COL13A1: variants seen among roughly 807,000 people sequenced by gnomAD.
COL13A1 encodes collagen alpha-1(XIII) chain.
Under a neutral mutation model 130.9 loss-of-function variants are expected in COL13A1, and 89 were observed. The ratio of observed to expected loss-of-function variants is 0.68; its 90% CI spans 0.57 to 0.81. COL13A1 has a LOEUF of 0.81. Among genes scored for constraint, COL13A1 ranks in the 30% least tolerant of loss-of-function variants. The pLI is 0.00. For missense variants in COL13A1, 879 were observed against 934.6 expected (o/e 0.94, Z 0.78); for synonymous variants, 402 against 341.6 (o/e 1.18, Z -1.95).
chr10:69,890,422 G>A (rs950155932), intron 10 of COL13A1, among the ~76,000 whole-genome samples: 6 of 152,248 alleles, frequency 3.9e-5, no homozygotes, highest in Non-Finnish European at 5.9e-5. Flanking sequence ...GATCCAGGTC[G>A]CACCTACTGT....
Position 69,802,629 on chromosome 10 carries a change from A to G in COL13A1, c.206A>G (p.Gln69Arg), listed in dbSNP as rs762802756. 1.2e-6 allele frequency: 2 copies of G among 1,613,228 alleles called. No homozygotes were observed. Among genetic ancestry groups the G allele is most frequent in the South Asian group, 2.2e-5 (2 of 91,068 alleles). The change falls in exon 1 of 41, where the codon CAG becomes CGG. Residue 69 changes from glutamine to arginine, a missense_variant. By Grantham distance (43) the Gln-to-Arg change is conservative (BLOSUM62 1). Around this residue, in one of 3 missense-constraint regions of COL13A1, gnomAD observed 715 missense variants for 721.0 expected, o/e 0.99. Coordinates refer to ENST00000645393, the MANE Select transcript of COL13A1 (RefSeq NM_001368882.1). Reference sequence around the variant, plus strand: ...GCCCACTTTCGGACGGCCGAGCTGCAGGCCCGGGTGCTGCGCCTGGAAGCG... The same window carrying G: ...GCCCACTTTCGGACGGCCGAGCTGCGGGCCCGGGTGCTGCGCCTGGAAGCG... ...LLAHFRTAEL[Q>R]ARVLRLEAER...
chr10:69,950,046 T>G (rs1430310412), intron 38 of COL13A1, among the ~76,000 whole-genome samples: 1 of 122,104 alleles, frequency 8.2e-6, no homozygotes, highest in Non-Finnish European at 1.8e-5. Context: ...TCTCCTCACT[T>G]CTTCCTCCTC....
At chr10:69,909,838 A>G (rs905747924) in intron 17 of COL13A1, among the ~76,000 whole-genome samples, 39 of 152,222 alleles carry the variant, frequency 2.6e-4, no homozygotes, top group Non-Finnish European at 1.2e-4. Context: ...TCTAGTTTAG[A>G]AAGTTCATTT....
intron 31 of COL13A1, among the ~76,000 whole-genome samples, chr10:69,934,147 AT>A (rs1473549325): frequency 6.6e-5 from 10 of 152,292 alleles, no homozygotes; most frequent in Non-Finnish European, 1.3e-4. Context: ...TTTAAAGAAA[AT>A]TTTAAAAATT....
At chr10:69,922,263 A>G (rs2064786785) in intron 22 of COL13A1, among the ~76,000 whole-genome samples, 1 of 152,116 alleles carries the variant, frequency 6.6e-6, no homozygotes, top group Admixed American at 6.5e-5. Flanking sequence ...TGAGGCCAAA[A>G]TAAGGGGAGA....
At position 69,930,151 on chromosome 10, in the gene COL13A1, G is replaced by A. The variant is rs143401597; in HGVS notation, c.1530+64G>A. 8.9e-4 allele frequency: 1,370 copies of A among 1,539,900 alleles called. 11 individuals carry two copies. In the African/African-American group the frequency reaches 0.016, roughly 18 times the overall value. ...GTCTTGGCCCTGGGGGCAGGAGGTC[G>A]GGCAGGAAGGCTCTAGAATTGGCCC... On this transcript the variant is annotated intron_variant, in intron 29 of 40. Coordinates refer to ENST00000645393, the MANE Select transcript of COL13A1 (RefSeq NM_001368882.1).
rs180798684 is a variant in COL13A1 at position 69,897,549 on chromosome 10, G to A, written c.685-1148G>A. 2.9e-4 allele frequency: 462 copies of A among 1,613,702 alleles called. No homozygotes were observed. In the African/African-American group the frequency reaches 3.1e-3, roughly 11 times the overall value. The stretch of plus-strand genomic sequence containing the variant: ...CCCTGAAGGTTTGTAGGTTCTGGAA[G>A]GTCTCCGGGCCCCTCTCCACTGAGA... On this transcript the variant is annotated intron_variant, in intron 13 of 40. Coordinates refer to ENST00000645393, the MANE Select transcript of COL13A1 (RefSeq NM_001368882.1).
intron 17 of COL13A1, among the ~76,000 whole-genome samples, chr10:69,906,726 T>G (rs1375027888): frequency 1.3e-5 from 2 of 151,926 alleles, no homozygotes; most frequent in Admixed American, 6.6e-5. Context: ...TTGTTTGTTT[T>G]TTGTTTTTGT....
chr10:69,847,272 TG>T (rs1351580383), intron 2 of COL13A1, among the ~76,000 whole-genome samples: 8 of 152,340 alleles, frequency 5.3e-5, no homozygotes, highest in Admixed American at 4.6e-4. Flanking sequence ...TAATCCCATA[TG>T]AGTCAGGGCT....
At chr10:69,866,912 G>A (rs972771837) in intron 2 of COL13A1, among the ~76,000 whole-genome samples, 5 of 152,180 alleles carry the variant, frequency 3.3e-5, no homozygotes, top group Admixed American at 2.0e-4. Context: ...ACTAGGGGCC[G>A]GGCAGACACA....
intron 4 of COL13A1, among the ~76,000 whole-genome samples, chr10:69,874,653 G>A (rs2059406073): frequency 6.6e-6 from 1 of 152,212 alleles, no homozygotes; most frequent in Admixed American, 6.5e-5. Flanking sequence ...GGGCTGGGGA[G>A]GAGCACTGCT....
intron 8 of COL13A1, 85 bp from the exon 9 acceptor site, chr10:69,888,219 C>A: frequency 6.6e-7 from 1 of 1,506,080 alleles, no homozygotes; most frequent in Non-Finnish European, 9.1e-7. Context: ...AATCCAGAAT[C>A]TGTGCTTTTC....
intron 2 of COL13A1, among the ~76,000 whole-genome samples, chr10:69,833,563 G>A (rs1256146938): frequency 6.6e-6 from 1 of 152,148 alleles, no homozygotes; most frequent in African/African-American, 2.4e-5. Flanking sequence ...ATCTAGTTTG[G>A]GAAATGCAAG....
rs533339204 is a variant in COL13A1 at position 69,868,807 on chromosome 10, G to A, written c.372+1002G>A. Among the ~76,000 whole-genome samples the A allele has an allele frequency of 1.7e-3, 252 of 152,324 alleles. 2 individuals carry two copies. The highest frequency in any genetic ancestry group is 5.9e-3 in the African/African-American group (246 of 41,578). On this transcript the variant is annotated intron_variant, in intron 3 of 40. Transcript: ENST00000645393. ...ATGGCCCCTGACACATCACAGTGAGGCAGGACCTGTCATGTCATTACTTGA... is the reference window on the plus strand; with the variant it reads ...ATGGCCCCTGACACATCACAGTGAGACAGGACCTGTCATGTCATTACTTGA...
intron 6 of COL13A1, 84 bp downstream of exon 6, chr10:69,878,149 C>T (rs10823446): frequency 0.024 from 16,804 of 689,316 alleles, 280 homozygotes; most frequent in Non-Finnish European, 0.033. Context: ...AGCCCTCCCC[C>T]CCATGAAAGC....
At chr10:69,885,916 A>C (rs965474887) in intron 7 of COL13A1, among the ~76,000 whole-genome samples, 1 of 152,156 alleles carries the variant, frequency 6.6e-6, no homozygotes, top group African/African-American at 2.4e-5. Flanking sequence ...AGCCTGTGGC[A>C]GACTTCAACT....
chr10:69,823,783 C>T (rs937230267), intron 2 of COL13A1, among the ~76,000 whole-genome samples: 5 of 151,994 alleles, frequency 3.3e-5, no homozygotes, highest in African/African-American at 1.2e-4. Context: ...GTCCAGAAGC[C>T]CTGGGAAGCT....
At chr10:69,813,921 T>C (rs1235406344) in intron 1 of COL13A1, among the ~76,000 whole-genome samples, 3 of 152,142 alleles carry the variant, frequency 2.0e-5, no homozygotes, top group Non-Finnish European at 4.4e-5. Context: ...TGCCCATTTA[T>C]CCCAATTCTG....
At chr10:69,909,182 A>G (rs867668081) in intron 17 of COL13A1, among the ~76,000 whole-genome samples, 2 of 152,102 alleles carry the variant, frequency 1.3e-5, no homozygotes, top group African/African-American at 2.4e-5. Context: ...ACCTTCGTCC[A>G]TGTCTTTTCT....
Sources: gnomAD v4.1 joint callset for allele counts (sites outside exome capture counted in the v4.1 genomes callset) on GRCh38, gnomAD v4.1.1 for gene constraint, gnomAD v4.1.1 regional missense constraint, MANE v1.5 for transcripts, NCBI Gene and HGNC (gene_info 2026-07-23, HGNC 2026-07-21) for gene names.